Variants in DCC observed in about 807,000 individuals in gnomAD.
DCC encodes DCC netrin 1 receptor, also known as netrin receptor DCC.
A neutral mutation model predicts 172.5 loss-of-function variants in DCC; 58 were observed. The ratio of observed to expected loss-of-function variants is 0.34; its 90% CI spans 0.27 to 0.42. DCC has a LOEUF of 0.42. DCC is among the 10% of genes least tolerant of loss of function. The pLI is 1.00. For synonymous variants in DCC, 709 were observed against 644.5 expected, an observed-to-expected ratio of 1.10 and a Z score of -1.52; for missense variants, 1,740 against 1,791.0, an observed-to-expected ratio of 0.97 and a Z score of 0.51.
At chr18:53,199,652 G>A (rs1288085858) in intron 9 of DCC, among the ~76,000 whole-genome samples, 2 of 151,140 alleles carry the variant, frequency 1.3e-5, no homozygotes, top group East Asian at 3.9e-4. Flanking sequence ...AAAATATTAG[G>A]GAAATAATGA....
chr18:52,702,989 T>G (rs935901881), intron 1 of DCC, among the ~76,000 whole-genome samples: 3 of 152,316 alleles, frequency 2.0e-5, no homozygotes, highest in South Asian at 2.1e-4. Flanking sequence ...AGGTTCTGAG[T>G]GTAAATACTT....
At chr18:53,244,568 C>A (rs1399600865) in intron 12 of DCC, among the ~76,000 whole-genome samples, 1 of 152,124 alleles carries the variant, frequency 6.6e-6, no homozygotes, top group East Asian at 1.9e-4. Context: ...CTGAAGAATA[C>A]AAGATGACTT....
chr18:52,838,542 T>C (rs962398959), intron 2 of DCC, among the ~76,000 whole-genome samples: 3 of 152,170 alleles, frequency 2.0e-5, no homozygotes, highest in Non-Finnish European at 2.9e-5. Flanking sequence ...TTAATTTTTA[T>C]GGTAAGAAAT....
intron 7 of DCC, among the ~76,000 whole-genome samples, chr18:53,112,989 C>A (rs1397291241): frequency 1.3e-5 from 2 of 151,422 alleles, no homozygotes; most frequent in Admixed American, 6.6e-5. Context: ...CCTTTGGATT[C>A]TTGCTCATGA....
At chr18:52,935,441 T>G (rs2040367842) in intron 5 of DCC, among the ~76,000 whole-genome samples, 1 of 152,232 alleles carries the variant, frequency 6.6e-6, no homozygotes. Context: ...TCAGATATGC[T>G]CTATGAATTC....
intron 5 of DCC, among the ~76,000 whole-genome samples, chr18:52,993,251 G>T (rs1296758276): frequency 1.3e-5 from 2 of 152,134 alleles, no homozygotes; most frequent in Non-Finnish European, 2.9e-5. Flanking sequence ...GATAAGAAAA[G>T]TTCTTAACTG....
intron 1 of DCC, among the ~76,000 whole-genome samples, chr18:52,696,392 G>C (rs774276009): frequency 6.6e-6 from 1 of 152,158 alleles, no homozygotes; most frequent in African/African-American, 2.4e-5. Context: ...AAGAGTGATA[G>C]AGCCAAATGG....
intron 1 of DCC, among the ~76,000 whole-genome samples, chr18:52,353,345 A>G (rs546496379): frequency 2.0e-5 from 3 of 151,968 alleles, no homozygotes; most frequent in African/African-American, 7.2e-5. Flanking sequence ...CCCTCCTTCA[A>G]CTCTCTTTCC....
At chr18:53,219,211 C>A (rs1309659402) in intron 12 of DCC, among the ~76,000 whole-genome samples, 1 of 152,070 alleles carries the variant, frequency 6.6e-6, no homozygotes, top group African/African-American at 2.4e-5. Flanking sequence ...TCTGTTGAAC[C>A]TTTCAAAGTT....
chr18:52,436,299 A>G (rs1030866207), intron 1 of DCC, among the ~76,000 whole-genome samples: 18 of 152,204 alleles, frequency 1.2e-4, no homozygotes, highest in African/African-American at 4.1e-4. Flanking sequence ...ACTTCACTGA[A>G]ATAAATGATT....
intron 2 of DCC, among the ~76,000 whole-genome samples, chr18:52,784,005 T>A (rs1306955752): frequency 6.6e-6 from 1 of 152,032 alleles, no homozygotes; most frequent in Non-Finnish European, 1.5e-5. Context: ...ATACAATAAA[T>A]TACATGTTTA....
intron 12 of DCC, among the ~76,000 whole-genome samples, chr18:53,271,813 G>T (rs1696208428): frequency 6.6e-6 from 1 of 152,156 alleles, no homozygotes; most frequent in Non-Finnish European, 1.5e-5. Flanking sequence ...CACCATTTTT[G>T]AGGCTGCCTA....
chr18:53,231,571 T>C (rs887119120), intron 12 of DCC, among the ~76,000 whole-genome samples: 8 of 152,124 alleles, frequency 5.3e-5, no homozygotes, highest in East Asian at 1.9e-4. Flanking sequence ...GAGGCTGTTT[T>C]TATGATTAAT....
At chr18:52,961,365 C>G (rs1227728920) in intron 5 of DCC, among the ~76,000 whole-genome samples, 1 of 152,124 alleles carries the variant, frequency 6.6e-6, no homozygotes, top group Non-Finnish European at 1.5e-5. Flanking sequence ...ATTCTGAGAT[C>G]TGGCAAAACT....
chr18:53,311,273 C>A (rs564043302), intron 13 of DCC, among the ~76,000 whole-genome samples: 3 of 152,184 alleles, frequency 2.0e-5, no homozygotes, highest in East Asian at 3.9e-4. Flanking sequence ...AGGCATGCAC[C>A]ACCACACCTG....
intron 7 of DCC, among the ~76,000 whole-genome samples, chr18:53,126,339 C>G (rs187228699): frequency 6.6e-6 from 1 of 152,240 alleles, no homozygotes; most frequent in East Asian, 1.9e-4. Flanking sequence ...CCTCAACTCT[C>G]TATAGTGAGT....
At chr18:52,900,858 C>T (rs963344342) in intron 2 of DCC, among the ~76,000 whole-genome samples, 1 of 152,130 alleles carries the variant, frequency 6.6e-6, no homozygotes, top group African/African-American at 2.4e-5. Context: ...TCAAGGTTTT[C>T]CTAGGCTAAC....
intron 1 of DCC, among the ~76,000 whole-genome samples, chr18:52,353,119 G>C (rs889167249): frequency 3.3e-5 from 5 of 152,206 alleles, no homozygotes; most frequent in African/African-American, 1.2e-4. Flanking sequence ...TGGTCTTATA[G>C]TGGCAAGCTA....
chr18:53,072,319 T>G (rs1197916996), intron 7 of DCC, among the ~76,000 whole-genome samples: 1 of 152,062 alleles, frequency 6.6e-6, no homozygotes, highest in Non-Finnish European at 1.5e-5. Flanking sequence ...AGGACCCTGT[T>G]TGGTAGCTGA....
Sources: allele counts gnomAD v4.1 joint callset (sites outside exome capture counted in the v4.1 genomes callset), GRCh38; gene constraint gnomAD v4.1.1; transcripts MANE v1.5; gene names NCBI Gene and HGNC (gene_info 2026-07-23, HGNC 2026-07-21).